The following KIAA1217 variants were observed in gnomAD, a reference collection of about 807,000 sequenced individuals.
KIAA1217 encodes sickle tail protein homolog.
KIAA1217 carries 88 observed loss-of-function variants against 163.9 expected under a neutral mutation model. The ratio of observed to expected loss-of-function variants is 0.54; its 90% CI spans 0.45 to 0.64. The LOEUF (loss-of-function observed/expected upper bound fraction) is 0.64. Among genes scored for constraint, KIAA1217 ranks in the 30% least tolerant of loss-of-function variants. KIAA1217 has a pLI of 0.00. For synonymous variants in KIAA1217, 903 were observed against 923.1 expected (o/e 0.98, Z 0.39); for missense variants, 2,372 against 2,475.0 (o/e 0.96, Z 0.88).
chr10:24,146,435 A>C (rs1426109073), intron 2 of KIAA1217, among the ~76,000 whole-genome samples: 1 of 152,250 alleles, frequency 6.6e-6, no homozygotes, highest in Non-Finnish European at 1.5e-5. Context: ...AATTGGACAC[A>C]ATTTAATTAT....
chr10:24,384,873 T>C (rs553115936), intron 3 of KIAA1217, among the ~76,000 whole-genome samples: 1 of 152,256 alleles, frequency 6.6e-6, no homozygotes, highest in Admixed American at 6.5e-5. Flanking sequence ...TTATTTATCA[T>C]GATCACTGAG....
At chr10:24,103,412 C>T (rs2062495646) in intron 2 of KIAA1217, among the ~76,000 whole-genome samples, 2 of 152,076 alleles carry the variant, frequency 1.3e-5, no homozygotes, top group Non-Finnish European at 2.9e-5. Flanking sequence ...AGCCAGCCTA[C>T]ATCAAAAATT....
intron 2 of KIAA1217, among the ~76,000 whole-genome samples, chr10:24,281,789 G>A (rs555294377): frequency 3.3e-5 from 5 of 152,208 alleles, no homozygotes; most frequent in South Asian, 2.1e-4. Flanking sequence ...GGCCGGGCTC[G>A]GTGGCTCACG....
At chr10:24,076,641 A>G (rs1217218944) in intron 2 of KIAA1217, among the ~76,000 whole-genome samples, 1 of 152,164 alleles carries the variant, frequency 6.6e-6, no homozygotes, top group Non-Finnish European at 1.5e-5. Flanking sequence ...CAGGGTCTCA[A>G]AAATGCCAGA....
intron 2 of KIAA1217, among the ~76,000 whole-genome samples, chr10:24,079,811 C>A (rs780498782): frequency 1.3e-5 from 2 of 152,158 alleles, no homozygotes; most frequent in African/African-American, 2.4e-5. Context: ...CAAGGCCACG[C>A]ACAACTGAAT....
chr10:23,934,571 A>G (rs1274017652), intron 1 of KIAA1217, among the ~76,000 whole-genome samples: 4 of 76,658 alleles, frequency 5.2e-5, no homozygotes, highest in East Asian at 2.7e-4. Context: ...ATATATATAT[A>G]TATATATATA....
chr10:24,522,333 A>T (rs1233146619), intron 12 of KIAA1217, among the ~76,000 whole-genome samples: 1 of 151,980 alleles, frequency 6.6e-6, no homozygotes. Flanking sequence ...CTTTTAAAAA[A>T]ATCATCGGAA....
chr10:23,774,033 G>C (rs569586519), intron 1 of KIAA1217, among the ~76,000 whole-genome samples: 14 of 152,172 alleles, frequency 9.2e-5, no homozygotes, highest in Non-Finnish European at 2.1e-4. Flanking sequence ...TCCCTGTCTT[G>C]TGCCAGTTTT....
rs1298868070 is a variant in KIAA1217, at chr10:24,542,882, G to A, written c.3613-1G>A. ...TTTCCCTCCTCCGTTCTCCCTCTCAGGTTACCACAGGGGCTGTAAGACCTA... is the reference window on the plus strand; with the variant it reads ...TTTCCCTCCTCCGTTCTCCCTCTCAAGTTACCACAGGGGCTGTAAGACCTA... On this transcript the variant is annotated splice_acceptor_variant, in intron 18 of 20. Transcript: ENST00000376454. LOFTEE classifies it high-confidence loss of function. 2 of 1,610,036 alleles carry A rather than the reference G, an allele frequency of 1.2e-6. No individual in the cohort carries two copies.
At chr10:23,946,411 G>A (rs1211423301) in intron 1 of KIAA1217, among the ~76,000 whole-genome samples, 1 of 151,606 alleles carries the variant, frequency 6.6e-6, no homozygotes, top group East Asian at 1.9e-4. Context: ...TTTATTTCAG[G>A]GGTTCAGATC....
At chr10:23,987,290 T>C (rs1457994534) in intron 1 of KIAA1217, among the ~76,000 whole-genome samples, 1 of 144,930 alleles carries the variant, frequency 6.9e-6, no homozygotes, top group African/African-American at 2.6e-5. Flanking sequence ...GGCAGGAGAA[T>C]GGCGTGAACC....
At chr10:24,408,609 T>C (rs1464347014) in intron 3 of KIAA1217, among the ~76,000 whole-genome samples, 9 of 152,244 alleles carry the variant, frequency 5.9e-5, no homozygotes, top group Non-Finnish European at 1.3e-4. Flanking sequence ...TCCTGGCATC[T>C]TGGCAGCTTC....
intron 2 of KIAA1217, among the ~76,000 whole-genome samples, chr10:24,119,685 T>C (rs1299272137): frequency 1.3e-5 from 2 of 152,124 alleles, no homozygotes; most frequent in Non-Finnish European, 2.9e-5. Flanking sequence ...CCTTAGGGGC[T>C]CCTAACATCT....
At chr10:24,396,696 G>A (rs1343012770) in intron 3 of KIAA1217, among the ~76,000 whole-genome samples, 3 of 152,156 alleles carry the variant, frequency 2.0e-5, no homozygotes, top group Non-Finnish European at 4.4e-5. Flanking sequence ...GCAAAAGCCC[G>A]AGAAAGAGCA....
At chr10:24,243,921 G>A (rs533507571) in intron 2 of KIAA1217, among the ~76,000 whole-genome samples, 2 of 152,192 alleles carry the variant, frequency 1.3e-5, no homozygotes, top group South Asian at 2.1e-4. Context: ...AATAAGTAGC[G>A]ATCGCATTGA....
intron 2 of KIAA1217, among the ~76,000 whole-genome samples, chr10:24,040,875 C>T (rs1442169503): frequency 6.6e-6 from 1 of 152,168 alleles, no homozygotes; most frequent in Non-Finnish European, 1.5e-5. Flanking sequence ...CGACAAGGTG[C>T]AGAGTTGTCA....
At chr10:24,302,548 G>A (rs2041492986) in intron 2 of KIAA1217, among the ~76,000 whole-genome samples, 2 of 152,056 alleles carry the variant, frequency 1.3e-5, no homozygotes, top group Admixed American at 1.3e-4. Context: ...TATTTCTTAA[G>A]GGCATATTAG....
intron 1 of KIAA1217, among the ~76,000 whole-genome samples, chr10:23,784,267 G>C (rs1040010572): frequency 6.6e-6 from 1 of 151,900 alleles, no homozygotes; most frequent in Admixed American, 6.6e-5. Context: ...TATTCTCTTT[G>C]CATGGAATAT....
chr10:23,814,022 T>C (rs1043974656), intron 1 of KIAA1217, among the ~76,000 whole-genome samples: 7 of 152,156 alleles, frequency 4.6e-5, no homozygotes, highest in Non-Finnish European at 1.0e-4. Context: ...TTCACAGTAG[T>C]ATATCCATGA....
Sources: allele counts gnomAD v4.1 joint callset (sites outside exome capture counted in the v4.1 genomes callset), GRCh38; gene constraint gnomAD v4.1.1; transcripts MANE v1.5; gene names NCBI Gene and HGNC (gene_info 2026-07-23, HGNC 2026-07-21).